Variants in STAG1 observed in about 807,000 individuals in gnomAD.
STAG1 encodes the protein STAG1 cohesin complex component.
Under a neutral mutation model 170.9 loss-of-function variants are expected in STAG1, and 26 were observed. The ratio of observed to expected loss-of-function variants is 0.15; its 90% CI spans 0.11 to 0.21. STAG1 has a LOEUF of 0.21. Among genes scored for constraint, STAG1 ranks in the 10% least tolerant of loss-of-function variants. STAG1 has a pLI of 1.00. For synonymous variants in STAG1, 514 were observed against 497.7 expected, an observed-to-expected ratio of 1.03 and a Z score of -0.44; for missense variants, 964 against 1,509.5, an observed-to-expected ratio of 0.64 and a Z score of 5.99.
rs1942381198 is a variant in STAG1, at chr3:136,682,747, A to G, written c.-83-51766T>C. ...AAAGACATTAAAGAAGGCACCAATG[A>G]TCCAGCAATTCCACTGCTGAATATA... On this transcript the variant is annotated intron_variant, in intron 1 of 33. Coordinates refer to ENST00000383202, the MANE Select transcript of STAG1 (RefSeq NM_005862.3). 2.0e-5 allele frequency among the ~76,000 whole-genome samples: 3 copies of G among 152,316 alleles called. No individual in the cohort carries two copies. In the South Asian group the frequency reaches 6.2e-4, roughly 32 times the overall value.
At chr3:136,694,001 C>G (rs1420148444) in intron 1 of STAG1, among the ~76,000 whole-genome samples, 2 of 152,076 alleles carry the variant, frequency 1.3e-5, no homozygotes, top group Non-Finnish European at 2.9e-5. Flanking sequence ...CTTGGGAGAC[C>G]ACTGACAAAA....
At chr3:136,680,423 A>G (rs930170202) in intron 1 of STAG1, among the ~76,000 whole-genome samples, 1 of 152,178 alleles carries the variant, frequency 6.6e-6, no homozygotes, top group Non-Finnish European at 1.5e-5. Context: ...CACATAACTA[A>G]AAGATTGTAT....
At chr3:136,398,661 C>T (rs2087236407) in intron 22 of STAG1, 88 bp downstream of exon 22, 2 of 567,250 alleles carry the variant, frequency 3.5e-6, no homozygotes, top group Non-Finnish European at 5.4e-6. Flanking sequence ...TTATATTATA[C>T]AATAACTGAT....
At chr3:136,587,764 G>C (rs966343570) in intron 4 of STAG1, among the ~76,000 whole-genome samples, 1 of 152,074 alleles carries the variant, frequency 6.6e-6, no homozygotes, top group Non-Finnish European at 1.5e-5. Context: ...AGACCAGCTT[G>C]GCCAATGTGG....
intron 6 of STAG1, among the ~76,000 whole-genome samples, chr3:136,540,042 A>G (rs927391317): frequency 6.6e-6 from 1 of 152,146 alleles, no homozygotes; most frequent in African/African-American, 2.4e-5. Context: ...TTAGAATATT[A>G]TAAAATACAA....
intron 1 of STAG1, among the ~76,000 whole-genome samples, chr3:136,705,378 AACACACACACACACAC>A (rs3066789): frequency 0.12 from 17,292 of 143,256 alleles, 1,228 homozygotes; most frequent in Non-Finnish European, 0.17. Context: ...ATGATCATCA[AACACACACACACACAC>A]ACACACACAC....
At chr3:136,558,009 T>C (rs1936694399) in intron 5 of STAG1, among the ~76,000 whole-genome samples, 1 of 152,146 alleles carries the variant, frequency 6.6e-6, no homozygotes, top group Admixed American at 6.5e-5. Context: ...CAAAGGATAA[T>C]GTATCAAAAT....
At chr3:136,439,218 TA>T (rs35726787) in intron 15 of STAG1, among the ~76,000 whole-genome samples, 120,064 of 124,066 alleles carry the variant, frequency 0.97, 58,076 homozygotes, top group South Asian at 0.99. Context: ...AAAAAACCCA[TA>T]AAAAAAAAAA....
chr3:136,421,700 T>C (rs145924974), intron 19 of STAG1, among the ~76,000 whole-genome samples: 207 of 152,278 alleles, frequency 1.4e-3, no homozygotes, highest in South Asian at 6.0e-3. Flanking sequence ...TTGGAGATGT[T>C]TGCTGATATC....
intron 1 of STAG1, among the ~76,000 whole-genome samples, chr3:136,658,625 A>G (rs1941472605): frequency 6.6e-6 from 1 of 152,214 alleles, no homozygotes. Context: ...CCAAGTACAT[A>G]TGGCTGAACT....
At chr3:136,646,224 A>T (rs555233739) in intron 1 of STAG1, among the ~76,000 whole-genome samples, 1 of 152,288 alleles carries the variant, frequency 6.6e-6, no homozygotes, top group African/African-American at 2.4e-5. Context: ...TCTAGGCTCA[A>T]GCAATCCTCC....
intron 6 of STAG1, among the ~76,000 whole-genome samples, chr3:136,531,061 C>T (rs972274116): frequency 4.6e-5 from 7 of 152,118 alleles, no homozygotes; most frequent in Non-Finnish European, 8.8e-5. Flanking sequence ...GCCGAGATCA[C>T]GCACTGCACT....
At chr3:136,659,621 C>T (rs370148979) in intron 1 of STAG1, among the ~76,000 whole-genome samples, 4 of 152,266 alleles carry the variant, frequency 2.6e-5, no homozygotes, top group East Asian at 3.9e-4. Context: ...GCAACTACTT[C>T]GTAATAAAAG....
intron 14 of STAG1, among the ~76,000 whole-genome samples, chr3:136,448,427 A>G (rs181627483): frequency 5.3e-5 from 8 of 152,342 alleles, no homozygotes; most frequent in Non-Finnish European, 8.8e-5. Flanking sequence ...GACATCTTAC[A>G]TGGTGGCAGG....
chr3:136,527,973 T>C (rs1935145430), intron 6 of STAG1, among the ~76,000 whole-genome samples: 1 of 152,108 alleles, frequency 6.6e-6, no homozygotes, highest in African/African-American at 2.4e-5. Context: ...TATCCGGCCG[T>C]ATGATGTGTC....
intron 1 of STAG1, among the ~76,000 whole-genome samples, chr3:136,723,407 G>T (rs1341154275): frequency 1.3e-5 from 2 of 148,318 alleles, no homozygotes; most frequent in African/African-American, 5.1e-5. Context: ...GGTGAGGAGC[G>T]TCTCTGCCCA....
intron 1 of STAG1, among the ~76,000 whole-genome samples, chr3:136,714,976 ATTTT>A (rs1173297855): frequency 2.8e-5 from 3 of 108,794 alleles, no homozygotes; most frequent in East Asian, 2.2e-4. Flanking sequence ...TTATATATAT[ATTTT>A]TATATATATA....
At chr3:136,382,801 C>G (rs1938049902) in intron 22 of STAG1, among the ~76,000 whole-genome samples, 1 of 152,098 alleles carries the variant, frequency 6.6e-6, no homozygotes, top group Non-Finnish European at 1.5e-5. Flanking sequence ...TGGATGCAAA[C>G]TAAATATTAT....
At chr3:136,727,619 T>C (rs1367477018) in intron 1 of STAG1, among the ~76,000 whole-genome samples, 3 of 152,210 alleles carry the variant, frequency 2.0e-5, no homozygotes, top group Non-Finnish European at 2.9e-5. Flanking sequence ...TGAGAGATAC[T>C]TTCCCCCTTT....
Sources: gnomAD v4.1 joint callset for allele counts (sites outside exome capture counted in the v4.1 genomes callset) on GRCh38, gnomAD v4.1.1 for gene constraint, MANE v1.5 for transcripts, NCBI Gene and HGNC (gene_info 2026-07-23, HGNC 2026-07-21) for gene names.